The following COL27A1 variants were observed in gnomAD, a reference collection of about 807,000 sequenced individuals.
The protein encoded by COL27A1 is collagen alpha-1(XXVII) chain.
In COL27A1, 106 loss-of-function variants were observed where a neutral mutation model predicts 251.3. The ratio of observed to expected loss-of-function variants is 0.42; its 90% CI spans 0.36 to 0.50. The LOEUF is 0.50. COL27A1 is among the 20% of genes least tolerant of loss of function. COL27A1 has a pLI of 0.00. For missense variants in COL27A1, 2,325 were observed against 2,522.8 expected (o/e 0.92, Z 1.68); for synonymous variants, 1,000 against 986.3 (o/e 1.01, Z -0.26).
chr9:114,248,147 A>G (rs929015486), intron 24 of COL27A1, among the ~76,000 whole-genome samples: 3 of 152,146 alleles, frequency 2.0e-5, no homozygotes, highest in African/African-American at 7.2e-5. Flanking sequence ...TGGGTTCCCA[A>G]TGCCTGCCTC....
Position 114,169,216 on chromosome 9 carries a change from C to T in COL27A1, c.1661C>T (p.Pro554Leu). 1 of 1,614,104 alleles carries T rather than the reference C, an allele frequency of 6.2e-7. No individual in the cohort carries two copies. Among genetic ancestry groups the T allele is most frequent in the Non-Finnish European group, 8.5e-7 (1 of 1,180,012 alleles). Residue 554 changes from proline to leucine, a missense_variant, in exon 3 of 61, where the codon CCT (proline) becomes CTT (leucine). By Grantham distance (98) the Pro-to-Leu change is moderately conservative. This residue lies in a region of COL27A1 where 1,183 missense variants were observed against 1,144.1 expected (regional missense o/e 1.03). Transcript: ENST00000356083. ...GGACCCAAGAGCAGCCCCCGGAAGCCTGTCCCCCTCAGACCTGGGAAGGCA... is the reference window on the plus strand; with the variant it reads ...GGACCCAAGAGCAGCCCCCGGAAGCTTGTCCCCCTCAGACCTGGGAAGGCA... The part of the protein sequence containing the change: ...KAGPKSSPRK[P>L]VPLRPGKAAR...
rs924567308 is a variant in COL27A1 at position 114,310,841 on chromosome 9, A to T, written c.*146A>T. On this transcript the variant is annotated 3_prime_UTR_variant, in exon 61 of 61. Coordinates refer to ENST00000356083, the MANE Select transcript of COL27A1 (RefSeq NM_032888.4). The stretch of plus-strand genomic sequence containing the variant: ...AGACCCCAGCTGTTGTCTGCCCAGT[A>T]GAAGTGGGTGGGGGTAGGAGGGGAT... The T allele has an allele frequency of 5.4e-6, 4 of 744,830 alleles. No individual in the cohort carries two copies. Among genetic ancestry groups the T allele is most frequent in the Admixed American group, 2.8e-5 (1 of 35,302 alleles). 46.1% of individuals were successfully genotyped at this position (744,830 alleles called of 1,614,324 possible). A position where few individuals can be genotyped will look rare whatever the true frequency, so the allele number is the denominator to read the frequency against.
chr9:114,166,229 A>T (rs977652902), intron 2 of COL27A1, among the ~76,000 whole-genome samples: 3 of 146,610 alleles, frequency 2.0e-5, no homozygotes, highest in Non-Finnish European at 4.5e-5. Context: ...CTATCCATCC[A>T]TCCATTCATT....
At chr9:114,159,500 G>T (rs1848350802) in intron 1 of COL27A1, among the ~76,000 whole-genome samples, 1 of 152,138 alleles carries the variant, frequency 6.6e-6, no homozygotes, top group Non-Finnish European at 1.5e-5. Context: ...GGAAGGAGAT[G>T]GAACAGAAAT....
intron 5 of COL27A1, among the ~76,000 whole-genome samples, chr9:114,189,137 T>C (rs1353293153): frequency 2.6e-5 from 4 of 152,228 alleles, no homozygotes; most frequent in African/African-American, 9.6e-5. Flanking sequence ...GGAATGTTTT[T>C]CCCATTTTAA....
chr9:114,265,216 G>T (rs1834654691), intron 31 of COL27A1, 106 bp downstream of exon 31: 15 of 1,246,142 alleles, frequency 1.2e-5, no homozygotes, highest in Non-Finnish European at 1.7e-5. Flanking sequence ...CTGTCCTTCT[G>T]TGGAAACCCC....
intron 42 of COL27A1, 76 bp downstream of exon 42, chr9:114,288,587 G>A: frequency 1.3e-6 from 2 of 1,543,466 alleles, no homozygotes; most frequent in South Asian, 2.4e-5. Flanking sequence ...GAGAGGGGTG[G>A]GCCGATCAGG....
intron 7 of COL27A1, among the ~76,000 whole-genome samples, chr9:114,199,151 G>T (rs1003982006): frequency 6.6e-6 from 1 of 152,092 alleles, no homozygotes; most frequent in Admixed American, 6.5e-5. Flanking sequence ...TAACCCTCCT[G>T]CTTTCTTTCC....
chr9:114,260,722 G>A (rs764429543), intron 28 of COL27A1, among the ~76,000 whole-genome samples: 28 of 152,050 alleles, frequency 1.8e-4, no homozygotes, highest in Non-Finnish European at 3.1e-4. Flanking sequence ...TAGAACCTGG[G>A]CCCACCAGCC....
chr9:114,194,578 C>T (rs1828977827), intron 6 of COL27A1, 121 bp downstream of exon 6: 3 of 871,440 alleles, frequency 3.4e-6, no homozygotes, highest in Admixed American at 2.3e-5. Context: ...GAGGTGGGAA[C>T]ATCTGGAAGG....
rs1440277230 is a variant in COL27A1 at position 114,168,869 on chromosome 9, C to T, written c.1314C>T (p.Pro438=). The T allele has an allele frequency of 1.2e-6, 2 of 1,613,996 alleles. No homozygotes were observed. The highest frequency in any genetic ancestry group is 2.2e-5 in the East Asian group (1 of 44,880). The stretch of plus-strand genomic sequence containing the variant: ...CGGGAATGCCCAGGCCCCCACCGCC[C>T]AGCACCCGGCCCCTACCTCCTACCA... ...RNPGMPRPPP[P]STRPLPPTTS... The change falls in exon 3 of 61, where the codon CCC becomes CCT. Residue 438 remains proline (P), a synonymous_variant. Transcript: ENST00000356083.
At chr9:114,275,959 G>A (rs908235494) in intron 37 of COL27A1, among the ~76,000 whole-genome samples, 191 bp downstream of exon 37, 3 of 152,140 alleles carry the variant, frequency 2.0e-5, no homozygotes, top group Admixed American at 6.5e-5. Context: ...GAACAACCTC[G>A]GTTACTCATC....
intron 28 of COL27A1, among the ~76,000 whole-genome samples, chr9:114,262,344 C>T (rs1007641240): frequency 2.6e-5 from 4 of 152,208 alleles, no homozygotes; most frequent in Non-Finnish European, 5.9e-5. Flanking sequence ...ACCTGAGCCC[C>T]GTAATGCCCA....
chr9:114,270,085 C>G (rs1462593300), intron 35 of COL27A1, among the ~76,000 whole-genome samples: 3 of 152,196 alleles, frequency 2.0e-5, no homozygotes, highest in Non-Finnish European at 4.4e-5. Flanking sequence ...AGACTGGCCT[C>G]CCTTTCCTCA....
intron 5 of COL27A1, among the ~76,000 whole-genome samples, chr9:114,192,858 C>T (rs1401734857): frequency 1.3e-5 from 2 of 152,092 alleles, no homozygotes; most frequent in African/African-American, 2.4e-5. Flanking sequence ...GGAGGGTGAC[C>T]GAGTCAGGAT....
intron 12 of COL27A1, among the ~76,000 whole-genome samples, chr9:114,216,717 T>G (rs957095408): frequency 6.6e-6 from 1 of 152,100 alleles, no homozygotes; most frequent in Non-Finnish European, 1.5e-5. Flanking sequence ...GTGCTCTTAA[T>G]TACAAACCCT....
At chr9:114,304,399 G>A (rs937518669) in intron 56 of COL27A1, among the ~76,000 whole-genome samples, 1 of 152,238 alleles carries the variant, frequency 6.6e-6, no homozygotes, top group Non-Finnish European at 1.5e-5. Context: ...ACTTAATCCT[G>A]AGGGCCATGG....
Position 114,275,699 on chromosome 9 carries a change from C to T in COL27A1, c.3648C>T (p.Gly1216=), listed in dbSNP as rs576451383. 5 of 1,550,234 alleles carry T rather than the reference C, an allele frequency of 3.2e-6. No homozygotes were observed. The Admixed American group carries it at 5.9e-5, about 18-fold the overall frequency. The change falls in exon 37 of 61, where the codon GGC becomes GGT. Residue 1216 remains glycine, a synonymous_variant. Coordinates refer to ENST00000356083, the MANE Select transcript of COL27A1 (RefSeq NM_032888.4). The stretch of plus-strand genomic sequence containing the variant: ...ACCCAGGGCCTGATGGAGAACATGG[C>T]GAGAAAGGCCAGGAAGGGCTGATGG... ...RGDPGPDGEH[G]EKGQEGLMGE...
chr9:114,210,959 T>C, intron 11 of COL27A1, 23 bp from the exon 12 acceptor site: 2 of 1,613,888 alleles, frequency 1.2e-6, no homozygotes, highest in Non-Finnish European at 1.7e-6. Flanking sequence ...TGCCCTGACC[T>C]CTCCCCTGTC....
Sources: allele counts gnomAD v4.1 joint callset (sites outside exome capture counted in the v4.1 genomes callset), GRCh38; gene constraint gnomAD v4.1.1; regional missense constraint gnomAD v4.1.1; transcripts MANE v1.5; gene names NCBI Gene and HGNC (gene_info 2026-07-23, HGNC 2026-07-21).